ST7: variants seen among roughly 807,000 people sequenced by gnomAD.
The protein encoded by ST7 is suppression of tumorigenicity 7, also known as suppressor of tumorigenicity 7 protein.
In ST7, 28 loss-of-function variants were observed where a neutral mutation model predicts 78.7. That is an observed-to-expected ratio of 0.36 (90% confidence interval 0.26 to 0.49). The LOEUF (loss-of-function observed/expected upper bound fraction) is 0.49. ST7 is among the 20% of genes least tolerant of loss of function. The pLI is 0.99. For synonymous variants in ST7, 247 were observed against 249.6 expected (o/e 0.99, Z 0.10); for missense variants, 418 against 696.0 (o/e 0.60, Z 4.49).
intron 1 of ST7, among the ~76,000 whole-genome samples, chr7:117,081,273 T>C (rs1799753086): frequency 6.6e-6 from 1 of 152,170 alleles, no homozygotes; most frequent in Non-Finnish European, 1.5e-5. Context: ...AACATGGCCC[T>C]AAGAACTTCT....
rs529905608 is a variant in ST7 at position 117,075,607 on chromosome 7, A to G, written c.152-24155A>G. 5.9e-5 allele frequency among the ~76,000 whole-genome samples: 9 copies of G among 152,322 alleles called. No individual in the cohort carries two copies. In the South Asian group the frequency reaches 1.9e-3, roughly 32 times the overall value. On this transcript the variant is annotated intron_variant, in intron 1 of 15. Coordinates refer to ENST00000323984, the MANE Select transcript of ST7 (RefSeq NM_001369598.1). ...CCACATTGTACTTTTTCCTGCTTCCAGGCCTGTCTGTGTGAGGCCTGAACC... is the reference window on the plus strand; with the variant it reads ...CCACATTGTACTTTTTCCTGCTTCCGGGCCTGTCTGTGTGAGGCCTGAACC...
At chr7:117,143,152 A>G (rs990211060) in intron 9 of ST7, among the ~76,000 whole-genome samples, 2 of 152,110 alleles carry the variant, frequency 1.3e-5, no homozygotes, top group African/African-American at 2.4e-5. Context: ...CCCCTCATGC[A>G]TGCTTCGAGA....
intron 1 of ST7, among the ~76,000 whole-genome samples, chr7:116,995,745 G>A (rs1202150110): frequency 6.6e-6 from 1 of 152,212 alleles, no homozygotes; most frequent in Non-Finnish European, 1.5e-5. Context: ...ATTTGTTCCA[G>A]TCAGTTGTTG....
chr7:117,099,663 A>G lies in ST7; in HGVS notation c.152-99A>G, dbSNP rs376706985. 383 of 794,872 alleles carry G rather than the reference A, an allele frequency of 4.8e-4. 8 individuals carry two copies. The South Asian group carries it at 6.1e-3, about 13-fold the overall frequency. The allele number at this position is 794,872 out of a possible 1,614,324, so 49.2% of individuals were successfully genotyped here. The stretch of plus-strand genomic sequence containing the variant: ...GTTCTAAGAATTATCATCATCAGAA[A>G]TAAATGATTTTACCAGAGAGAAAAA... On this transcript the variant is annotated intron_variant, in intron 1 of 15. Coordinates refer to ENST00000323984, the MANE Select transcript of ST7 (RefSeq NM_001369598.1).
At chr7:117,180,694 G>A (rs944125092) in intron 10 of ST7, among the ~76,000 whole-genome samples, 2 of 152,186 alleles carry the variant, frequency 1.3e-5, no homozygotes, top group Admixed American at 6.5e-5. Flanking sequence ...CTGTCGCCTA[G>A]ACTGGAGTAC....
At chr7:117,014,313 T>G (rs1261906234) in intron 1 of ST7, among the ~76,000 whole-genome samples, 1 of 151,610 alleles carries the variant, frequency 6.6e-6, no homozygotes, top group Non-Finnish European at 1.5e-5. Flanking sequence ...AAAAGATGGC[T>G]CAGGGTATGT....
intron 3 of ST7, among the ~76,000 whole-genome samples, chr7:117,127,949 A>G (rs1483026300): frequency 1.3e-5 from 2 of 151,944 alleles, no homozygotes; most frequent in Non-Finnish European, 2.9e-5. Context: ...TGATTTGTCA[A>G]TTGATGTTTA....
chr7:117,114,373 T>G (rs1049593097), intron 2 of ST7, among the ~76,000 whole-genome samples: 1 of 152,088 alleles, frequency 6.6e-6, no homozygotes, highest in Non-Finnish European at 1.5e-5. Flanking sequence ...TGCCTGGGTT[T>G]ATCTTCTTAA....
chr7:117,040,430 A>G (rs1484557405), intron 1 of ST7, among the ~76,000 whole-genome samples: 1 of 152,166 alleles, frequency 6.6e-6, no homozygotes, highest in Admixed American at 6.5e-5. Flanking sequence ...ACACACACAC[A>G]CACACCCTTT....
At chr7:117,184,420 C>A (rs963738715) in intron 10 of ST7, among the ~76,000 whole-genome samples, 3 of 152,178 alleles carry the variant, frequency 2.0e-5, no homozygotes, top group Non-Finnish European at 4.4e-5. Flanking sequence ...GTTGCTTCCT[C>A]AAAATAAAAT....
At chr7:117,161,591 C>CTTTTTTTTTTTTTTTTTTTTTTTT (rs60505994) in intron 9 of ST7, among the ~76,000 whole-genome samples, 5 of 113,594 alleles carry the variant, frequency 4.4e-5, no homozygotes, top group Non-Finnish European at 1.7e-5. Context: ...TTCTTTCTTT[C>CTTTTTTTTTTTTTTTTTTTTTTTT]TTTTTTTTTT....
intron 9 of ST7, among the ~76,000 whole-genome samples, chr7:117,158,858 T>C (rs147540230): frequency 2.6e-5 from 4 of 152,346 alleles, no homozygotes; most frequent in African/African-American, 9.6e-5. Context: ...TATTTGAAAC[T>C]ATAATTAAAT....
chr7:117,029,158 T>C (rs1796348120), intron 1 of ST7, among the ~76,000 whole-genome samples: 2 of 152,220 alleles, frequency 1.3e-5, no homozygotes, highest in African/African-American at 4.8e-5. Flanking sequence ...CATGCCATTG[T>C]TGAGAAACTG....
In ST7 at chr7:117,070,323, A is replaced by G. The variant is rs938331100; in HGVS notation, c.152-29439A>G. 2.6e-5 allele frequency among the ~76,000 whole-genome samples: 4 copies of G among 152,192 alleles called. No individual in the cohort carries two copies. The South Asian group carries it at 6.2e-4, about 24-fold the overall frequency. ...ATCTTCAGGCCCATTTCTCATCTGT[A>G]AAAGGAGACGATGAACCATAAAATA... On this transcript the variant is annotated intron_variant, in intron 1 of 15. Coordinates refer to ENST00000323984, the MANE Select transcript of ST7 (RefSeq NM_001369598.1).
At chr7:116,961,201 T>C (rs1279549470) in intron 1 of ST7, among the ~76,000 whole-genome samples, 1 of 152,210 alleles carries the variant, frequency 6.6e-6, no homozygotes, top group East Asian at 1.9e-4. Context: ...CATGCTGTTT[T>C]GGTTACTGTA....
intron 2 of ST7, among the ~76,000 whole-genome samples, chr7:117,106,264 C>G (rs1158128517): frequency 6.6e-6 from 1 of 152,112 alleles, no homozygotes; most frequent in Admixed American, 6.5e-5. Flanking sequence ...TCCCAAAGTG[C>G]TGGGATTACA....
At chr7:117,080,002 A>G (rs1563065056) in intron 1 of ST7, among the ~76,000 whole-genome samples, 2 of 74,992 alleles carry the variant, frequency 2.7e-5, no homozygotes, top group Non-Finnish European at 2.4e-5. Context: ...TTTTTTTGAG[A>G]CGGAGTCTCG....
chr7:117,103,317 A>G (rs754456409), intron 2 of ST7, among the ~76,000 whole-genome samples: 6 of 152,252 alleles, frequency 3.9e-5, no homozygotes, highest in Non-Finnish European at 8.8e-5. Context: ...CAAAAAGAAC[A>G]AAACTGGAGG....
Position 117,106,713 on chromosome 7 carries a change from C to T in ST7, c.234+6869C>T, listed in dbSNP as rs544907398. On this transcript the variant is annotated intron_variant, in intron 2 of 15. Transcript: ENST00000323984. ...TCGGCTCACTGCAATCTCTGTCTCC[C>T]GGGTTCACACCATTCTCCTGCCTTA... Among the ~76,000 whole-genome samples the T allele has an allele frequency of 6.6e-5, 10 of 150,940 alleles. No homozygotes were observed. The South Asian group carries it at 1.9e-3, about 29-fold the overall frequency.
Sources: gnomAD v4.1 joint callset for allele counts (sites outside exome capture counted in the v4.1 genomes callset) on GRCh38, gnomAD v4.1.1 for gene constraint, MANE v1.5 for transcripts, NCBI Gene and HGNC (gene_info 2026-07-23, HGNC 2026-07-21) for gene names.